Variants in TMIGD2 observed in about 807,000 individuals in gnomAD.
The protein encoded by TMIGD2 is transmembrane and immunoglobulin domain-containing protein 2.
Under a neutral mutation model 22.6 loss-of-function variants are expected in TMIGD2, and 18 were observed. That is an observed-to-expected ratio of 0.80 (90% CI 0.55 to 1.18). The LOEUF (loss-of-function observed/expected upper bound fraction) is 1.18. Ranked by LOEUF, TMIGD2 falls within the 50% of genes most tolerant of loss-of-function variation. The probability of loss-of-function intolerance (pLI) is 0.00; values close to 1 mark genes in which losing one functional copy is unlikely to be tolerated. For missense variants in TMIGD2, 361 were observed against 378.2 expected (o/e 0.95, Z 0.38); for synonymous variants, 184 against 154.1 (o/e 1.19, Z -1.44).
intron 4 of TMIGD2, among the ~76,000 whole-genome samples, chr19:4,293,787 A>C (rs1309392911): frequency 6.6e-6 from 1 of 150,650 alleles, no homozygotes; most frequent in Non-Finnish European, 1.5e-5. Context: ...GTTGAGATGG[A>C]GTCTGGCTGT....
rs528313288 is a variant in TMIGD2, at chr19:4,295,985, C to A, written c.407-1169G>T. ...CCAGGCTGGAGTGCAGTGGCGTGAT[C>A]GTAGCTCACTGCAGTCTCCAACTCC... On this transcript the variant is annotated intron_variant, in intron 2 of 4. Transcript: ENST00000301272. Among the ~76,000 whole-genome samples, 94 of 152,226 alleles carry A rather than the reference C, an allele frequency of 6.2e-4. 2 individuals carry two copies. In the South Asian group the frequency reaches 0.019, roughly 31 times the overall value.
At chr19:4,292,347 T>G in exon 5 of TMIGD2, 27 of 452,226 alleles carry the variant, frequency 6.0e-5, no homozygotes, top group Non-Finnish European at 7.5e-5. Context: ...TCCTCCTGCT[T>G]TTTGTTTTTT....
chr19:4,294,783 C>G, exon 3 of TMIGD2: 2 of 1,586,208 alleles, frequency 1.3e-6, no homozygotes, highest in East Asian at 4.6e-5. Flanking sequence ...ACCTGGGAAG[C>G]TTGCGATCCG....
At chr19:4,293,506 C>T (rs983286825) in intron 4 of TMIGD2, among the ~76,000 whole-genome samples, 14 of 151,698 alleles carry the variant, frequency 9.2e-5, no homozygotes, top group Middle Eastern at 3.4e-3. Context: ...GTGATTCGCC[C>T]GCCGTGGCCT....
intron 1 of TMIGD2, among the ~76,000 whole-genome samples, chr19:4,299,076 C>T (rs1568374810): frequency 6.6e-6 from 1 of 152,118 alleles, no homozygotes; most frequent in Non-Finnish European, 1.5e-5. Context: ...CAGCAGACAC[C>T]AGTGAGGTCA....
chr19:4,298,488 G>A, intron 1 of TMIGD2, 143 bp from the exon 2 acceptor site: 2 of 1,301,624 alleles, frequency 1.5e-6, no homozygotes, highest in South Asian at 3.3e-5. Flanking sequence ...TGTAGTCCCA[G>A]CACTTTGGAA....
intron 1 of TMIGD2, among the ~76,000 whole-genome samples, chr19:4,300,024 G>T (rs1971514430): frequency 1.3e-5 from 2 of 152,106 alleles, no homozygotes; most frequent in African/African-American, 4.8e-5. Context: ...ACTTTGGGAG[G>T]CCGAGGCGGG....
intron 2 of TMIGD2, among the ~76,000 whole-genome samples, chr19:4,297,281 C>T (rs979732328): frequency 4.6e-5 from 7 of 152,036 alleles, no homozygotes; most frequent in African/African-American, 1.7e-4. Flanking sequence ...GTTGGCCAGG[C>T]TGGTCTCGAA....
chr19:4,293,023 GC>G (rs1971404484), intron 4 of TMIGD2, 138 bp from the exon 5 acceptor site: 1 of 1,309,160 alleles, frequency 7.6e-7, no homozygotes, highest in East Asian at 2.4e-5. Context: ...GAGTGCAGTG[GC>G]GCAATCTCGG....
At chr19:4,300,980 G>GTTT (rs1971529328) in intron 1 of TMIGD2, among the ~76,000 whole-genome samples, 2 of 152,070 alleles carry the variant, frequency 1.3e-5, no homozygotes, top group African/African-American at 4.8e-5. Context: ...TTTTGTTTTT[G>GTTT]TTTTTGTTTT....
At chr19:4,292,845 C>G in exon 5 of TMIGD2, 1 of 1,613,602 alleles carries the variant, frequency 6.2e-7, no homozygotes, top group African/African-American at 1.3e-5. Flanking sequence ...TCTTTGGGGC[C>G]CCCCGGGGCC....
At position 4,293,842 on chromosome 19, in the gene TMIGD2, A is replaced by G. The variant is rs1270009088; in HGVS notation, c.562+725T>C. On this transcript the variant is annotated intron_variant, in intron 4 of 4. Coordinates refer to ENST00000301272, the Ensembl canonical transcript of TMIGD2. The stretch of plus-strand genomic sequence containing the variant: ...AGTGAGGCAGTCTGGGCTCACTGCA[A>G]TCTCTGCCTCCTGGGTTCCAGTGAT... Among the ~76,000 whole-genome samples the G allele has an allele frequency of 5.3e-5, 8 of 151,628 alleles. No individual in the cohort carries two copies. In the East Asian group the frequency reaches 1.4e-3, roughly 26 times the overall value.
At chr19:4,295,497 T>G (rs1321700631) in intron 2 of TMIGD2, among the ~76,000 whole-genome samples, 1 of 151,766 alleles carries the variant, frequency 6.6e-6, no homozygotes, top group Non-Finnish European at 1.5e-5. Flanking sequence ...GAGGCGGAGC[T>G]TGCAGTGAGC....
At chr19:4,294,891 C>CA in intron 2 of TMIGD2, 75 bp from the exon 3 acceptor site, 1 of 1,371,434 alleles carries the variant, frequency 7.3e-7, no homozygotes, top group Non-Finnish European at 9.7e-7. Context: ...CTTGGGGGGA[C>CA]CTAAGTGTTC....
intron 2 of TMIGD2, among the ~76,000 whole-genome samples, chr19:4,297,256 G>A (rs1420721063): frequency 1.3e-5 from 2 of 151,736 alleles, no homozygotes; most frequent in South Asian, 2.1e-4. Flanking sequence ...TTAGTAGAGA[G>A]GGGGTTTTCA....
chr19:4,293,177 G>A (rs1971407763), intron 4 of TMIGD2, among the ~76,000 whole-genome samples: 1 of 151,294 alleles, frequency 6.6e-6, no homozygotes, highest in Admixed American at 6.6e-5. Context: ...TAGCCAGGAT[G>A]GTCTTGATCT....
At chr19:4,301,848 C>CTTTCCGGAGTAGAAAGTT in intron 1 of TMIGD2, among the ~76,000 whole-genome samples, 1 of 152,034 alleles carries the variant, frequency 6.6e-6, no homozygotes, top group Admixed American at 6.6e-5. Flanking sequence ...AGTAGAAAGT[C>CTTTCCGGAGTAGAAAGTT]TGCTTTTAGC....
rs376954218 is a variant in TMIGD2 at position 4,294,787 on chromosome 19, C to T, written c.436G>A (p.Ala146Thr). 17 of 1,582,132 alleles carry T rather than the reference C, an allele frequency of 1.1e-5. No individual in the cohort carries two copies. Among genetic ancestry groups the T allele is most frequent in the Non-Finnish European group, 3.4e-6 (4 of 1,165,832 alleles). ...GGGCAGGGCTCACCTGGGAAGCTTG[C>T]GATCCGGTTTCTGTTCTGTGTGGGG... Residue 146 changes from alanine (A) to threonine (T), a missense_variant, in exon 3 of 5, where the codon GCA becomes ACA. Ala to Thr is a moderately conservative substitution (Grantham distance 58). Transcript: ENST00000301272.
chr19:4,299,484 C>G (rs1250450139), intron 1 of TMIGD2, among the ~76,000 whole-genome samples: 1 of 151,242 alleles, frequency 6.6e-6, no homozygotes, highest in African/African-American at 2.4e-5. Context: ...TGCACTCTAG[C>G]CTGGGCAACA....
Sources: allele counts gnomAD v4.1 joint callset (sites outside exome capture counted in the v4.1 genomes callset), GRCh38; gene constraint gnomAD v4.1.1; transcripts MANE v1.5; gene names NCBI Gene and HGNC (gene_info 2026-07-23, HGNC 2026-07-21).